TMEM132D: variants seen among roughly 807,000 people sequenced by gnomAD.
TMEM132D encodes transmembrane protein 132D.
In TMEM132D, 21 loss-of-function variants were observed where a neutral mutation model predicts 62.3. The observed-to-expected ratio is 0.34, with a 90% CI of 0.24 to 0.49. The LOEUF is 0.49. Ranked by LOEUF, TMEM132D falls within the 20% of genes least tolerant of loss-of-function variation. The pLI, the probability that TMEM132D is intolerant of heterozygous loss-of-function variation, is 0.99. For missense variants in TMEM132D, 1,346 were observed against 1,402.8 expected, an observed-to-expected ratio of 0.96 and a Z score of 0.65; for synonymous variants, 621 against 575.6, an observed-to-expected ratio of 1.08 and a Z score of -1.13.
chr12:129,605,587 T>TTATCTATATATATATATATATATATATA (rs1878595471), intron 2 of TMEM132D, among the ~76,000 whole-genome samples: 1 of 107,384 alleles, frequency 9.3e-6, no homozygotes, highest in Non-Finnish European at 1.9e-5. Context: ...AAATTAGGCA[T>TTATCTATATATATATATATATATATATA]TATATATATA....
intron 3 of TMEM132D, among the ~76,000 whole-genome samples, chr12:129,426,880 C>T (rs752227447): frequency 6.6e-6 from 1 of 152,162 alleles, no homozygotes; most frequent in African/African-American, 2.4e-5. Context: ...GCCTTCAAAG[C>T]GCATGTGTTA....
At chr12:129,272,031 G>T (rs1308907177) in intron 4 of TMEM132D, among the ~76,000 whole-genome samples, 1 of 151,882 alleles carries the variant, frequency 6.6e-6, no homozygotes, top group Non-Finnish European at 1.5e-5. Flanking sequence ...CCACCCAACA[G>T]TGTAAAAGTG....
intron 3 of TMEM132D, among the ~76,000 whole-genome samples, chr12:129,435,820 A>G (rs1390102033): frequency 1.3e-5 from 2 of 152,256 alleles, no homozygotes; most frequent in Non-Finnish European, 2.9e-5. Context: ...AGGACAGTGC[A>G]GAGACTACAA....
At chr12:129,734,853 A>T (rs1869375203) in intron 1 of TMEM132D, among the ~76,000 whole-genome samples, 1 of 152,166 alleles carries the variant, frequency 6.6e-6, no homozygotes, top group African/African-American at 2.4e-5. Context: ...TTAAACAAAT[A>T]TCCTATTTCT....
At chr12:129,088,000 T>TGTCCTCCCTGACCGGGGC (rs1874698910) in intron 5 of TMEM132D, among the ~76,000 whole-genome samples, 3 of 48,588 alleles carry the variant, frequency 6.2e-5, no homozygotes, top group African/African-American at 9.3e-5. Context: ...ATGACCGGGG[T>TGTCCTCCCTGACCGGGGC]GTCCTCCATG....
intron 3 of TMEM132D, among the ~76,000 whole-genome samples, chr12:129,403,517 G>T (rs75078390): frequency 0.036 from 5,399 of 151,792 alleles, 172 homozygotes; most frequent in African/African-American, 0.084. Context: ...CACAATTTTG[G>T]AGGAACACAT....
At chr12:129,683,636 T>A (rs548538410) in intron 2 of TMEM132D, among the ~76,000 whole-genome samples, 49 of 152,214 alleles carry the variant, frequency 3.2e-4, no homozygotes, top group African/African-American at 1.1e-3. Flanking sequence ...CATGGACAGA[T>A]GACATGTAGG....
At chr12:129,337,407 A>G (rs1869317167) in intron 4 of TMEM132D, among the ~76,000 whole-genome samples, 1 of 151,032 alleles carries the variant, frequency 6.6e-6, no homozygotes, top group African/African-American at 2.4e-5. Context: ...AAATTGGTTT[A>G]TATTTGTATA....
intron 4 of TMEM132D, among the ~76,000 whole-genome samples, chr12:129,304,604 C>G (rs935593418): frequency 2.0e-5 from 3 of 151,266 alleles, no homozygotes; most frequent in African/African-American, 7.3e-5. Flanking sequence ...CCCATTTATA[C>G]GGCGGCATCT....
intron 4 of TMEM132D, among the ~76,000 whole-genome samples, chr12:129,333,010 GT>G (rs1180645965): frequency 6.6e-6 from 1 of 152,132 alleles, no homozygotes; most frequent in Non-Finnish European, 1.5e-5. Flanking sequence ...TAGCTTTAAT[GT>G]TATATGACTT....
intron 2 of TMEM132D, among the ~76,000 whole-genome samples, chr12:129,658,656 A>T (rs1880159928): frequency 6.6e-6 from 1 of 152,204 alleles, no homozygotes; most frequent in African/African-American, 2.4e-5. Flanking sequence ...ACTGCAGCCT[A>T]AGAAGCCTTG....
chr12:129,398,016 C>A (rs1398233376), intron 3 of TMEM132D, among the ~76,000 whole-genome samples: 2 of 152,182 alleles, frequency 1.3e-5, no homozygotes, highest in Non-Finnish European at 2.9e-5. Context: ...GTTCTCTCAG[C>A]CAGACCCAAC....
At chr12:129,670,286 G>A (rs1880473192) in intron 2 of TMEM132D, among the ~76,000 whole-genome samples, 1 of 152,124 alleles carries the variant, frequency 6.6e-6, no homozygotes, top group African/African-American at 2.4e-5. Context: ...TCTTGCCTGA[G>A]GACTCAATTT....
rs56018646 is a variant in TMEM132D, at chr12:129,285,539, A to AAAAAAAAAG, written c.1299+52094_1299+52095insCTTTTTTTT. Among the ~76,000 whole-genome samples the AAAAAAAAAG allele has an allele frequency of 8.0e-4, 72 of 90,054 alleles. 2 individuals carry two copies. Among genetic ancestry groups the AAAAAAAAAG allele is most frequent in the Non-Finnish European group, 1.4e-3 (65 of 46,762 alleles). The allele number at this position is 90,054 out of a possible 152,430, so 59.1% of individuals were successfully genotyped here. ...GAGACTGTGTCTCAAAAAAAAAAAAAAGAGAGAGAGAGAGAGGCTCCCATT... is the reference window on the plus strand; with the variant it reads ...GAGACTGTGTCTCAAAAAAAAAAAAAAAAAAAAAGAGAGAGAGAGAGAGAGGCTCCCATT... On this transcript the variant is annotated intron_variant, in intron 4 of 8. Transcript: ENST00000422113.
chr12:129,743,683 G>A (rs1242058885), intron 1 of TMEM132D, among the ~76,000 whole-genome samples: 3 of 152,168 alleles, frequency 2.0e-5, no homozygotes, highest in Non-Finnish European at 4.4e-5. Context: ...TACATGGTGA[G>A]AGGGACTCTG....
At chr12:129,436,151 C>G (rs1872781381) in intron 3 of TMEM132D, among the ~76,000 whole-genome samples, 3 of 152,136 alleles carry the variant, frequency 2.0e-5, no homozygotes, top group African/African-American at 7.2e-5. Flanking sequence ...CTAAATCTGG[C>G]AGAGGAAAAA....
chr12:129,872,282 G>A (rs962174036), intron 1 of TMEM132D, among the ~76,000 whole-genome samples: 2 of 152,100 alleles, frequency 1.3e-5, no homozygotes, highest in Non-Finnish European at 2.9e-5. Context: ...GACAAAGTGG[G>A]CCTTGGGAGG....
chr12:129,894,163 C>A (rs1010209937), intron 1 of TMEM132D, among the ~76,000 whole-genome samples: 9 of 152,212 alleles, frequency 5.9e-5, no homozygotes, highest in African/African-American at 2.2e-4. Context: ...GGAAGCCTCA[C>A]AATCATGGCA....
chr12:129,768,666 A>G (rs375129705), intron 1 of TMEM132D, among the ~76,000 whole-genome samples: 7 of 152,116 alleles, frequency 4.6e-5, no homozygotes, highest in Non-Finnish European at 8.8e-5. Context: ...AACATGAAAG[A>G]TGGTAGAGGC....
Sources: allele counts gnomAD v4.1 joint callset (sites outside exome capture counted in the v4.1 genomes callset), GRCh38; gene constraint gnomAD v4.1.1; transcripts MANE v1.5; gene names NCBI Gene and HGNC (gene_info 2026-07-23, HGNC 2026-07-21).